Variants in DLG2 observed in about 807,000 individuals in gnomAD.
The protein encoded by DLG2 is discs large MAGUK scaffold protein 2.
Under a neutral mutation model 132.5 loss-of-function variants are expected in DLG2, and 45 were observed. That is an observed-to-expected ratio of 0.34 (90% CI 0.27 to 0.44). The LOEUF (loss-of-function observed/expected upper bound fraction) is 0.44, where lower values mean the gene tolerates loss of function less well. Among genes scored for constraint, DLG2 ranks in the 20% least tolerant of loss-of-function variants. The pLI is 1.00. For synonymous variants in DLG2, 424 were observed against 419.6 expected (o/e 1.01, Z -0.13); for missense variants, 1,045 against 1,196.9 (o/e 0.87, Z 1.87).
intron 18 of DLG2, among the ~76,000 whole-genome samples, chr11:83,762,722 A>T (rs998110967): frequency 2.0e-5 from 3 of 152,024 alleles, no homozygotes; most frequent in African/African-American, 7.2e-5. Flanking sequence ...CTGGGACTAC[A>T]GGCGCATGCC....
intron 6 of DLG2, among the ~76,000 whole-genome samples, chr11:84,836,460 C>G (rs1339628983): frequency 6.6e-6 from 1 of 151,762 alleles, no homozygotes; most frequent in Non-Finnish European, 1.5e-5. Context: ...CATCCAAGGA[C>G]ACTCATACAA....
intron 6 of DLG2, among the ~76,000 whole-genome samples, chr11:84,774,887 G>A (rs954737584): frequency 2.0e-5 from 3 of 152,074 alleles, no homozygotes; most frequent in African/African-American, 7.2e-5. Flanking sequence ...AAGAATTTAT[G>A]ACTACATCCT....
chr11:85,460,702 A>G (rs1048892281), intron 3 of DLG2, among the ~76,000 whole-genome samples: 2 of 152,138 alleles, frequency 1.3e-5, no homozygotes, highest in African/African-American at 2.4e-5. Flanking sequence ...CAATATTTTA[A>G]TCAATTTGCC....
At chr11:84,250,905 TC>T (rs1157009020) in intron 8 of DLG2, among the ~76,000 whole-genome samples, 3 of 152,338 alleles carry the variant, frequency 2.0e-5, no homozygotes, top group Admixed American at 2.0e-4. Flanking sequence ...ACTTGAATAT[TC>T]CTTTTATAAG....
chr11:83,990,385 AG>A (rs35674789), intron 11 of DLG2, among the ~76,000 whole-genome samples: 1 of 152,150 alleles, frequency 6.6e-6, no homozygotes, highest in Non-Finnish European at 1.5e-5. Flanking sequence ...GCATAAGCAC[AG>A]GGAAGTCTGA....
At chr11:84,650,291 T>C (rs996143372) in intron 6 of DLG2, among the ~76,000 whole-genome samples, 2 of 152,184 alleles carry the variant, frequency 1.3e-5, no homozygotes, top group African/African-American at 4.8e-5. Flanking sequence ...AAACCACCCA[T>C]GTGGAAGTCA....
intron 6 of DLG2, among the ~76,000 whole-genome samples, chr11:84,699,681 GT>G (rs1198371274): frequency 6.6e-6 from 1 of 151,440 alleles, no homozygotes. Flanking sequence ...GACTATCTTC[GT>G]CTCCCTCGTT....
chr11:85,090,829 T>C (rs1386623643), intron 6 of DLG2, among the ~76,000 whole-genome samples: 1 of 152,190 alleles, frequency 6.6e-6, no homozygotes, highest in Non-Finnish European at 1.5e-5. Context: ...CACTGAGTAA[T>C]TTATAAAGAA....
chr11:84,600,695 A>T (rs988665508), intron 6 of DLG2, among the ~76,000 whole-genome samples: 7 of 152,216 alleles, frequency 4.6e-5, no homozygotes, highest in Non-Finnish European at 1.0e-4. Context: ...TCAAGACCTC[A>T]CTGCTTAACA....
At chr11:85,006,892 T>C (rs544351182) in intron 6 of DLG2, among the ~76,000 whole-genome samples, 37 of 152,054 alleles carry the variant, frequency 2.4e-4, no homozygotes, top group African/African-American at 8.9e-4. Context: ...CCTCTAAATA[T>C]ATTTCTATTT....
intron 20 of DLG2, among the ~76,000 whole-genome samples, chr11:83,534,947 A>G (rs1015573094): frequency 6.6e-6 from 1 of 152,246 alleles, no homozygotes; most frequent in Non-Finnish European, 1.5e-5. Flanking sequence ...CGTCTCCCCC[A>G]AAAGTAAATA....
At chr11:85,369,654 G>A (rs2084825794) in intron 3 of DLG2, among the ~76,000 whole-genome samples, 1 of 152,084 alleles carries the variant, frequency 6.6e-6, no homozygotes, top group Non-Finnish European at 1.5e-5. Context: ...TTTACATCCT[G>A]GGGGCATAGC....
chr11:84,187,297 C>A (rs2096294642), intron 8 of DLG2, among the ~76,000 whole-genome samples: 1 of 151,750 alleles, frequency 6.6e-6, no homozygotes, highest in Non-Finnish European at 1.5e-5. Flanking sequence ...GATATCTAGA[C>A]TTACAAAAGA....
chr11:83,899,142 C>CGTTG (rs1190316110), intron 15 of DLG2, among the ~76,000 whole-genome samples: 2 of 151,454 alleles, frequency 1.3e-5, no homozygotes, highest in African/African-American at 4.9e-5. Flanking sequence ...ACATGACTTA[C>CGTTG]TCTTGTTGCT....
chr11:83,684,250 G>A (rs2079331271), intron 18 of DLG2, among the ~76,000 whole-genome samples: 2 of 152,086 alleles, frequency 1.3e-5, no homozygotes, highest in African/African-American at 4.8e-5. Flanking sequence ...CTCCCGATCA[G>A]AAACTGCTAT....
At chr11:84,426,758 C>T (rs74350412) in intron 7 of DLG2, among the ~76,000 whole-genome samples, 2,456 of 152,152 alleles carry the variant, frequency 0.016, 29 homozygotes, top group Non-Finnish European at 0.026. Context: ...GGAAGATAAG[C>T]ATCTTGAGTC....
At chr11:84,485,917 A>G (rs1048048426) in intron 7 of DLG2, among the ~76,000 whole-genome samples, 1 of 152,170 alleles carries the variant, frequency 6.6e-6, no homozygotes, top group African/African-American at 2.4e-5. Flanking sequence ...TAGTCATTCA[A>G]GGATCTAGAC....
At chr11:84,986,494 T>A (rs558271540) in intron 6 of DLG2, among the ~76,000 whole-genome samples, 1 of 152,122 alleles carries the variant, frequency 6.6e-6, no homozygotes, top group South Asian at 2.1e-4. Flanking sequence ...CAGACCAATA[T>A]CCCTGATGAA....
At chr11:85,177,384 G>C (rs749668241) in intron 4 of DLG2, among the ~76,000 whole-genome samples, 37 of 151,962 alleles carry the variant, frequency 2.4e-4, no homozygotes, top group Non-Finnish European at 4.4e-4. Flanking sequence ...CATGGGTAGA[G>C]TTGGAATCTG....
Sources: allele counts gnomAD v4.1 joint callset (sites outside exome capture counted in the v4.1 genomes callset), GRCh38; gene constraint gnomAD v4.1.1; transcripts MANE v1.5; gene names NCBI Gene and HGNC (gene_info 2026-07-23, HGNC 2026-07-21).